Variants in BPHL observed in about 807,000 individuals in gnomAD.
BPHL encodes the protein serine hydrolase BPHL.
In BPHL, 27 loss-of-function variants were observed where a neutral mutation model predicts 31.2. The ratio of observed to expected loss-of-function variants is 0.87; its 90% CI spans 0.64 to 1.19. The LOEUF (loss-of-function observed/expected upper bound fraction) is 1.19, where lower values mean the gene tolerates loss of function less well. BPHL is among the 50% of genes most tolerant of loss of function. The pLI, the probability that BPHL is intolerant of heterozygous loss-of-function variation, is 0.00. For missense variants in BPHL, 356 were observed against 375.7 expected (o/e 0.95, Z 0.43); for synonymous variants, 150 against 146.8 (o/e 1.02, Z -0.16).
intron 6 of BPHL, 56 bp from the exon 7 acceptor site, chr6:3,152,432 G>T: frequency 1.4e-6 from 2 of 1,424,900 alleles, no homozygotes; most frequent in South Asian, 1.2e-5. Flanking sequence ...GAGAGTGAGG[G>T]GTTTGTTCTT....
At position 3,140,619 on chromosome 6, in the gene BPHL, C is replaced by T. The variant is rs370433698; in HGVS notation, c.788+110C>T. On this transcript the variant is annotated intron_variant, in intron 6 of 6. Coordinates refer to ENST00000380379, the MANE Select transcript of BPHL (RefSeq NM_004332.4). The surrounding 1 kb of genome is among the most constrained non-coding windows in gnomAD (Gnocchi z 5.2). ...AGTTGGAGTTTTAGAGTGCACAGCC[C>T]CCCTTTTGCCAATGCCAGTCAGTAG... The T allele has an allele frequency of 2.7e-6, 4 of 1,498,996 alleles. No homozygotes were observed. The African/African-American group carries it at 5.6e-5, about 21-fold the overall frequency. The allele number at this position is 1,498,996 out of a possible 1,614,324, so 92.9% of individuals were successfully genotyped here.
intron 1 of BPHL, among the ~76,000 whole-genome samples, chr6:3,121,294 T>C (rs1384464146): frequency 8.7e-6 from 1 of 115,236 alleles, no homozygotes; most frequent in African/African-American, 5.1e-5. Flanking sequence ...GCAGTTTCTT[T>C]TTTTTTTTTT....
intron 6 of BPHL, among the ~76,000 whole-genome samples, chr6:3,146,935 A>G (rs190721264): frequency 1.4e-5 from 2 of 145,336 alleles, no homozygotes; most frequent in Admixed American, 7.2e-5. Context: ...TGCTGGATGT[A>G]ATATTTCTGT....
chr6:3,141,130 ATAAACCT>A (rs1462242089), intron 6 of BPHL, among the ~76,000 whole-genome samples: 1 of 152,252 alleles, frequency 6.6e-6, no homozygotes, highest in Non-Finnish European at 1.5e-5. Flanking sequence ...TACAATTACC[ATAAACCT>A]TTATAATTAC....
chr6:3,145,476 ATGCTGATTCGGGGTGGAG>A (rs1368645482), intron 6 of BPHL, among the ~76,000 whole-genome samples: 3 of 25,206 alleles, frequency 1.2e-4, no homozygotes, highest in African/African-American at 1.7e-4. Flanking sequence ...TTGGGTTTGA[ATGCTGATTCGGGGTGGAG>A]TGCTGGTTCG....
intron 1 of BPHL, among the ~76,000 whole-genome samples, chr6:3,122,169 A>G (rs1761594349): frequency 1.3e-5 from 2 of 152,136 alleles, no homozygotes; most frequent in Non-Finnish European, 2.9e-5. Context: ...AGTCCCAGCT[A>G]CTTGGGAGGC....
rs571894402 is a variant in BPHL, at chr6:3,125,692, G to A, written c.212-1550G>A. ...ACCCCTCCAGGTCAGAGGCAGAAGA[G>A]AAGCCTCATGGGTCACAGCAGCAGA... On this transcript the variant is annotated intron_variant, in intron 2 of 6. Transcript: ENST00000380379. Among the ~76,000 whole-genome samples, 6 of 152,282 alleles carry A rather than the reference G, an allele frequency of 3.9e-5. No individual in the cohort carries two copies. The East Asian group carries it at 1.2e-3, about 29-fold the overall frequency.
At chr6:3,151,768 G>A (rs959196762) in intron 6 of BPHL, among the ~76,000 whole-genome samples, 1 of 152,176 alleles carries the variant, frequency 6.6e-6, no homozygotes, top group African/African-American at 2.4e-5. Context: ...ATTTGTTCAG[G>A]AAACTGTAAA....
chr6:3,149,378 G>A lies in BPHL; in HGVS notation c.789-3110G>A, dbSNP rs1358522435. ...CTTAAAAGCACCAACCCAGCAGCCC[G>A]AGGGTCCTCTAGCAGCCCACTTCAA... On this transcript the variant is annotated intron_variant, in intron 6 of 6. Coordinates refer to ENST00000380379, the MANE Select transcript of BPHL (RefSeq NM_004332.4). This position sits in a 1 kb window ranked among gnomAD's most constrained non-coding sequence, Gnocchi z 4.6. Among the ~76,000 whole-genome samples, 2 of 151,996 alleles carry A rather than the reference G, an allele frequency of 1.3e-5. No individual in the cohort carries two copies. Among genetic ancestry groups the A allele is most frequent in the East Asian group, 1.9e-4 (1 of 5,192 alleles).
intron 6 of BPHL, among the ~76,000 whole-genome samples, chr6:3,143,237 C>A (rs1028634698): frequency 1.3e-5 from 2 of 151,838 alleles, no homozygotes; most frequent in African/African-American, 2.4e-5. Flanking sequence ...AACAAACAAA[C>A]AAAAAAACAC....
intron 1 of BPHL, among the ~76,000 whole-genome samples, chr6:3,119,122 G>T (rs1174941958): frequency 6.6e-6 from 1 of 152,244 alleles, no homozygotes; most frequent in Non-Finnish European, 1.5e-5. Context: ...AGCCCCTTCA[G>T]TGTGCAGACC....
chr6:3,144,391 G>T (rs12200804), intron 6 of BPHL, among the ~76,000 whole-genome samples: 86,345 of 129,292 alleles, frequency 0.67, 26,984 homozygotes, highest in Non-Finnish European at 0.72. Context: ...TTTTTTTTTT[G>T]TTTTTTTTTT....
At chr6:3,136,720 A>G (rs993220520) in intron 4 of BPHL, among the ~76,000 whole-genome samples, 1 of 152,232 alleles carries the variant, frequency 6.6e-6, no homozygotes, top group African/African-American at 2.4e-5. Flanking sequence ...ATCACAGTGT[A>G]TTTAAAGAAA....
chr6:3,130,229 G>A (rs778082267), intron 4 of BPHL, among the ~76,000 whole-genome samples: 4 of 152,204 alleles, frequency 2.6e-5, no homozygotes, highest in African/African-American at 4.8e-5. Context: ...GTGAGTCACA[G>A]AGACCAAGCT....
Position 3,119,746 on chromosome 6 carries a change from T to C in BPHL, c.107+899T>C, listed in dbSNP as rs140086266. On this transcript the variant is annotated intron_variant, in intron 1 of 6. Coordinates refer to ENST00000380379, the MANE Select transcript of BPHL (RefSeq NM_004332.4). ...CTACTTTCATAAAGTCAGTACTAGA[T>C]AGGTACACAGCGTTTAGAACTGTAC... Among the ~76,000 whole-genome samples, 528 of 152,320 alleles carry C rather than the reference T, an allele frequency of 3.5e-3. 4 individuals are homozygous for C. Among genetic ancestry groups the C allele is most frequent in the African/African-American group, 0.012 (496 of 41,548 alleles).
intron 5 of BPHL, among the ~76,000 whole-genome samples, chr6:3,137,695 G>C (rs1296792960): frequency 2.0e-5 from 3 of 152,190 alleles, no homozygotes; most frequent in Non-Finnish European, 4.4e-5. Flanking sequence ...AGGTAGGACT[G>C]CGTGTCCAAA....
intron 1 of BPHL, among the ~76,000 whole-genome samples, chr6:3,121,291 C>CT (rs67332286): frequency 0.12 from 9,447 of 80,478 alleles, 2,294 homozygotes; most frequent in East Asian, 0.17. Flanking sequence ...ATAGCAGTTT[C>CT]TTTTTTTTTT....
intron 4 of BPHL, among the ~76,000 whole-genome samples, chr6:3,134,933 C>T (rs1349124091): frequency 1.3e-5 from 2 of 151,654 alleles, no homozygotes; most frequent in Non-Finnish European, 2.9e-5. Flanking sequence ...GACGGGGTTC[C>T]GCCACATTGC....
intron 2 of BPHL, among the ~76,000 whole-genome samples, chr6:3,125,289 C>T (rs1761684021): frequency 6.6e-6 from 1 of 152,176 alleles, no homozygotes; most frequent in Non-Finnish European, 1.5e-5. Context: ...AGGTGATCTA[C>T]TCGCCCCGGC....
Sources: gnomAD v4.1 joint callset for allele counts (sites outside exome capture counted in the v4.1 genomes callset) on GRCh38, gnomAD v4.1.1 for gene constraint, Gnocchi (gnomAD v3.1) non-coding constraint, MANE v1.5 for transcripts, NCBI Gene and HGNC (gene_info 2026-07-23, HGNC 2026-07-21) for gene names.